Variants in PDSS2 observed in about 807,000 individuals in gnomAD.
PDSS2 encodes the protein all trans-polyprenyl-diphosphate synthase PDSS2.
Under a neutral mutation model 44.5 loss-of-function variants are expected in PDSS2, and 31 were observed. The observed-to-expected ratio is 0.70, with a 90% CI of 0.52 to 0.94. PDSS2 has a LOEUF of 0.94. Ranked by LOEUF, PDSS2 falls within the 40% of genes least tolerant of loss-of-function variation. PDSS2 has a pLI of 0.00. For missense variants in PDSS2, 452 were observed against 482.2 expected (o/e 0.94, Z 0.59); for synonymous variants, 157 against 180.3 (o/e 0.87, Z 1.03).
At chr6:107,283,355 A>C (rs1288052978) in intron 2 of PDSS2, among the ~76,000 whole-genome samples, 1 of 150,960 alleles carries the variant, frequency 6.6e-6, no homozygotes, top group Admixed American at 6.6e-5. Flanking sequence ...AAAGAAAAAA[A>C]CCCACCAGAA....
chr6:107,425,948 G>A (rs1023320997), intron 1 of PDSS2, among the ~76,000 whole-genome samples: 9 of 150,276 alleles, frequency 6.0e-5, no homozygotes, highest in African/African-American at 2.0e-4. Flanking sequence ...GCGACAGAGC[G>A]AGACTTCGTC....
chr6:107,294,477 C>G, intron 2 of PDSS2, among the ~76,000 whole-genome samples: 1 of 151,844 alleles, frequency 6.6e-6, no homozygotes, highest in Non-Finnish European at 1.5e-5. Context: ...AAACTGCTGG[C>G]CTCAAGTGAT....
intron 1 of PDSS2, among the ~76,000 whole-genome samples, chr6:107,408,692 T>C (rs1780398193): frequency 6.6e-6 from 1 of 152,200 alleles, no homozygotes; most frequent in Non-Finnish European, 1.5e-5. Flanking sequence ...AGAAGCACTG[T>C]CAATTGATGC....
At chr6:107,389,832 C>CAA (rs149550810) in intron 1 of PDSS2, among the ~76,000 whole-genome samples, 2 of 151,406 alleles carry the variant, frequency 1.3e-5, no homozygotes, top group East Asian at 1.9e-4. Context: ...AACAAACAAA[C>CAA]AAAAAAAACC....
intron 7 of PDSS2, among the ~76,000 whole-genome samples, chr6:107,167,947 T>C (rs1242288654): frequency 6.6e-6 from 1 of 152,192 alleles, no homozygotes; most frequent in Non-Finnish European, 1.5e-5. Context: ...AAAGAATGTA[T>C]ATTCTGTTGA....
At chr6:107,329,528 C>A (rs917981465) in intron 2 of PDSS2, among the ~76,000 whole-genome samples, 2 of 152,062 alleles carry the variant, frequency 1.3e-5, no homozygotes, top group African/African-American at 4.8e-5. Flanking sequence ...TATCTATGTC[C>A]AAATTTCCCC....
intron 1 of PDSS2, among the ~76,000 whole-genome samples, chr6:107,444,854 T>C (rs1008797148): frequency 1.3e-5 from 2 of 152,216 alleles, no homozygotes; most frequent in African/African-American, 4.8e-5. Flanking sequence ...CTAAATGTCA[T>C]AATTCGTCTC....
chr6:107,322,346 C>T (rs920768184), intron 2 of PDSS2, among the ~76,000 whole-genome samples: 2 of 151,774 alleles, frequency 1.3e-5, no homozygotes, highest in Non-Finnish European at 1.5e-5. Flanking sequence ...AGTGAAATCC[C>T]GTTTCCACTA....
At chr6:107,185,273 T>G (rs904794260) in intron 7 of PDSS2, among the ~76,000 whole-genome samples, 1 of 152,146 alleles carries the variant, frequency 6.6e-6, no homozygotes, top group Non-Finnish European at 1.5e-5. Flanking sequence ...CAAAGCTCAT[T>G]TACGGCACAG....
intron 7 of PDSS2, among the ~76,000 whole-genome samples, chr6:107,187,236 T>C (rs1042864299): frequency 6.6e-6 from 1 of 152,236 alleles, no homozygotes; most frequent in Non-Finnish European, 1.5e-5. Context: ...AATCGAGTTA[T>C]GTCTTTAAAT....
chr6:107,334,274 T>C lies in PDSS2; in HGVS notation c.355A>G (p.Ile119Val), dbSNP rs757900585. 3 of 1,613,240 alleles carry C rather than the reference T, an allele frequency of 1.9e-6. No individual in the cohort carries two copies. The highest frequency in any genetic ancestry group is 2.2e-5 in the South Asian group (2 of 91,066). Residue 119 changes from isoleucine (I) to valine (V), a missense_variant, in exon 2 of 8, where the codon ATC (isoleucine) becomes GTC (valine). Coordinates refer to ENST00000369037, the MANE Select transcript of PDSS2 (RefSeq NM_020381.4). ...CTGCTGGGCCCAGCTGCTTTAGAGA[T>C]AAGGAGCACCACCAAGCCCCTCAAC... ...LQLRGLVVLLISKAAGPSSVN... is the reference protein window; with the variant it reads ...LQLRGLVVLLVSKAAGPSSVN...
chr6:107,363,924 G>A (rs1247405216), intron 1 of PDSS2, among the ~76,000 whole-genome samples: 5 of 152,160 alleles, frequency 3.3e-5, no homozygotes, highest in Admixed American at 6.5e-5. Context: ...CAAACCTTGA[G>A]CTAAACACAG....
At chr6:107,192,192 G>A in intron 7 of PDSS2, 1 of 199,412 alleles carries the variant, frequency 5.0e-6, no homozygotes, top group South Asian at 8.0e-5. Context: ...TATATGATGA[G>A]GCTCAAGTAC....
At chr6:107,225,584 A>T (rs73509140) in intron 4 of PDSS2, among the ~76,000 whole-genome samples, 6 of 152,104 alleles carry the variant, frequency 3.9e-5, no homozygotes, top group African/African-American at 1.4e-4. Flanking sequence ...GGTGGGGCTA[A>T]TTGGGGGTGA....
rs1309592912 is a variant in PDSS2, at chr6:107,153,171, A to C, written c.*1448T>G. On this transcript the variant is annotated 3_prime_UTR_variant, in exon 8 of 8. Transcript: ENST00000369037. ...GTGTTTGAGCGAACTAGGTAATAAA[A>C]TCTGTTTGCTGTATTCGCTGTCTCC... 6.6e-6 allele frequency: 1 copy of C among 152,610 alleles called. No homozygotes were observed. The highest frequency in any genetic ancestry group is 1.5e-5 in the Non-Finnish European group (1 of 68,046). 9.5% of individuals were successfully genotyped at this position (152,610 alleles called of 1,614,324 possible).
In PDSS2 at chr6:107,377,843, A is replaced by AAGAC. The variant is rs1236166590; in HGVS notation, c.297-43512_297-43511insGTCT. ...TAGATGGGAACTGAACAATGAGAACACATGGACACAGGAAGGGGAACATCA... is the reference window on the plus strand; with the variant it reads ...TAGATGGGAACTGAACAATGAGAACAAGACCATGGACACAGGAAGGGGAACATCA... On this transcript the variant is annotated intron_variant, in intron 1 of 7. Coordinates refer to ENST00000369037, the MANE Select transcript of PDSS2 (RefSeq NM_020381.4). 3.3e-5 allele frequency among the ~76,000 whole-genome samples: 5 copies of AAGAC among 151,946 alleles called. No individual in the cohort carries two copies. In the East Asian group the frequency reaches 9.7e-4, roughly 29 times the overall value.
At chr6:107,287,258 T>C (rs1438678558) in intron 2 of PDSS2, among the ~76,000 whole-genome samples, 1 of 152,124 alleles carries the variant, frequency 6.6e-6, no homozygotes, top group African/African-American at 2.4e-5. Flanking sequence ...TGGAAAGCCT[T>C]TGGAGCCAAG....
intron 1 of PDSS2, among the ~76,000 whole-genome samples, chr6:107,396,555 A>G (rs2114560615): frequency 6.6e-6 from 1 of 152,296 alleles, no homozygotes; most frequent in East Asian, 1.9e-4. Flanking sequence ...TCATGGCTAA[A>G]AGCAAAGTCC....
chr6:107,192,985 G>A (rs1475109125), intron 7 of PDSS2, among the ~76,000 whole-genome samples: 1 of 152,120 alleles, frequency 6.6e-6, no homozygotes, highest in Non-Finnish European at 1.5e-5. Context: ...TGGAGTGCAG[G>A]TGTGCTCACA....
Sources: gnomAD v4.1 joint callset for allele counts (sites outside exome capture counted in the v4.1 genomes callset) on GRCh38, gnomAD v4.1.1 for gene constraint, MANE v1.5 for transcripts, NCBI Gene and HGNC (gene_info 2026-07-23, HGNC 2026-07-21) for gene names.